Variants in SNTG1 observed in about 807,000 individuals in gnomAD.
SNTG1 encodes the protein gamma-1-syntrophin.
A neutral mutation model predicts 74.7 loss-of-function variants in SNTG1; 39 were observed. That is an observed-to-expected ratio of 0.52 (90% confidence interval 0.40 to 0.68). The LOEUF is 0.68. Ranked by LOEUF, SNTG1 falls within the 30% of genes least tolerant of loss-of-function variation. The probability of loss-of-function intolerance (pLI) is 0.00; values close to 1 mark genes in which losing one functional copy is unlikely to be tolerated. For synonymous variants in SNTG1, 254 were observed against 217.1 expected (o/e 1.17, Z -1.49); for missense variants, 685 against 609.5 (o/e 1.12, Z -1.30).
intron 2 of SNTG1, among the ~76,000 whole-genome samples, chr8:50,307,542 G>C (rs2089952278): frequency 6.6e-6 from 1 of 151,318 alleles, no homozygotes; most frequent in Non-Finnish European, 1.5e-5. Context: ...TCTGAAAAAA[G>C]TATTTTATTT....
At chr8:50,310,581 G>A (rs551962147) in intron 2 of SNTG1, among the ~76,000 whole-genome samples, 23 of 152,194 alleles carry the variant, frequency 1.5e-4, no homozygotes, top group Non-Finnish European at 2.1e-4. Flanking sequence ...CCAGCCACTC[G>A]GGAGGCTGAG....
intron 2 of SNTG1, among the ~76,000 whole-genome samples, chr8:50,262,858 T>G (rs1290126156): frequency 1.3e-5 from 2 of 152,152 alleles, no homozygotes; most frequent in East Asian, 3.8e-4. Context: ...CATACAATGC[T>G]ACTCCAAATA....
chr8:49,981,116 CTGGCAGGCCAGGG>C (rs1245545375), intron 1 of SNTG1, among the ~76,000 whole-genome samples: 1 of 152,160 alleles, frequency 6.6e-6, no homozygotes. Flanking sequence ...ATTGAATCTC[CTGGCAGGCCAGGG>C]TATTAATCTG....
chr8:50,470,042 C>T (rs533201449), intron 8 of SNTG1, among the ~76,000 whole-genome samples: 3 of 152,104 alleles, frequency 2.0e-5, no homozygotes, highest in Admixed American at 1.3e-4. Flanking sequence ...CAATAGAAGC[C>T]GTTTGCCATT....
chr8:50,662,031 C>T (rs1446585141), intron 15 of SNTG1, among the ~76,000 whole-genome samples: 2 of 152,088 alleles, frequency 1.3e-5, no homozygotes, highest in Non-Finnish European at 2.9e-5. Context: ...ACCTTCTGGC[C>T]TTCTCCTGTG....
chr8:50,003,609 T>G (rs1471246051), intron 1 of SNTG1, among the ~76,000 whole-genome samples: 2 of 152,186 alleles, frequency 1.3e-5, no homozygotes, highest in African/African-American at 2.4e-5. Context: ...AGTGCGAAAT[T>G]TACTTTTTCC....
chr8:49,949,144 CTCT>C (rs1563383892), intron 1 of SNTG1, among the ~76,000 whole-genome samples: 1 of 152,132 alleles, frequency 6.6e-6, no homozygotes, highest in Non-Finnish European at 1.5e-5. Context: ...CTAAAAGTTG[CTCT>C]TCTTAGGAAA....
intron 2 of SNTG1, among the ~76,000 whole-genome samples, chr8:50,225,857 G>A (rs1396797220): frequency 6.6e-6 from 1 of 152,104 alleles, no homozygotes; most frequent in African/African-American, 2.4e-5. Flanking sequence ...TTTACTTTAT[G>A]TTGTAGCTTG....
At chr8:50,109,859 T>G (rs1563609144) in intron 1 of SNTG1, among the ~76,000 whole-genome samples, 1 of 152,184 alleles carries the variant, frequency 6.6e-6, no homozygotes, top group Admixed American at 6.5e-5. Context: ...AGAGTCTGCA[T>G]GGGCTTTTTA....
chr8:50,128,877 A>G (rs1333242489), intron 1 of SNTG1, among the ~76,000 whole-genome samples: 1 of 152,160 alleles, frequency 6.6e-6, no homozygotes, highest in Non-Finnish European at 1.5e-5. Flanking sequence ...CATAATTTGG[A>G]CATACAAATT....
rs1821879967 is a variant in SNTG1 at position 50,076,288 on chromosome 8, A to C, written c.-102-96273A>C. Among the ~76,000 whole-genome samples, 4 of 152,266 alleles carry C rather than the reference A, an allele frequency of 2.6e-5. No homozygotes were observed. In the South Asian group the frequency reaches 8.3e-4, roughly 32 times the overall value. On this transcript the variant is annotated intron_variant, in intron 1 of 18. Transcript: ENST00000642720. ...ATTGTTCTTTAGGTAACATACTGAAAGAAACAAAAACAAAAAAAAACCTGA... is the reference window on the plus strand; with the variant it reads ...ATTGTTCTTTAGGTAACATACTGAACGAAACAAAAACAAAAAAAAACCTGA...
chr8:50,018,826 A>T (rs1354984715), intron 1 of SNTG1, among the ~76,000 whole-genome samples: 1 of 152,054 alleles, frequency 6.6e-6, no homozygotes, highest in Non-Finnish European at 1.5e-5. Flanking sequence ...AGAAACAAAA[A>T]ATAACAAGTG....
At chr8:50,776,168 T>C (rs905461671) in intron 18 of SNTG1, among the ~76,000 whole-genome samples, 1 of 151,006 alleles carries the variant, frequency 6.6e-6, no homozygotes, top group Admixed American at 6.6e-5. Context: ...CATTTTTCTG[T>C]TTTAATTTTT....
chr8:50,192,187 G>A (rs2083602518), intron 2 of SNTG1, among the ~76,000 whole-genome samples: 1 of 152,092 alleles, frequency 6.6e-6, no homozygotes, highest in African/African-American at 2.4e-5. Context: ...TGTTTGTTTT[G>A]TTTGTCATAT....
chr8:50,694,351 A>C (rs906859360), intron 15 of SNTG1, among the ~76,000 whole-genome samples: 1 of 152,114 alleles, frequency 6.6e-6, no homozygotes, highest in East Asian at 1.9e-4. Context: ...AAATGAATAC[A>C]TTCTGGGACA....
intron 8 of SNTG1, among the ~76,000 whole-genome samples, chr8:50,456,811 A>G (rs1191619501): frequency 2.0e-5 from 3 of 152,122 alleles, no homozygotes; most frequent in Non-Finnish European, 4.4e-5. Context: ...GGAGTCTAAA[A>G]ACAGGATACA....
intron 1 of SNTG1, among the ~76,000 whole-genome samples, chr8:49,970,677 G>T (rs1005765300): frequency 1.3e-5 from 2 of 152,128 alleles, no homozygotes; most frequent in Non-Finnish European, 2.9e-5. Context: ...GCTCTAATTC[G>T]CATGTCTCTA....
At chr8:50,525,411 A>ATT (rs2130237452) in intron 9 of SNTG1, among the ~76,000 whole-genome samples, 1 of 151,940 alleles carries the variant, frequency 6.6e-6, no homozygotes, top group East Asian at 1.9e-4. Context: ...TTGTATGTTC[A>ATT]TTTTCTTCCC....
At chr8:50,190,770 A>G (rs1456086199) in intron 2 of SNTG1, among the ~76,000 whole-genome samples, 1 of 152,140 alleles carries the variant, frequency 6.6e-6, no homozygotes, top group African/African-American at 2.4e-5. Context: ...CACATCACAG[A>G]GGTGACATGC....
Sources: gnomAD v4.1 joint callset for allele counts (sites outside exome capture counted in the v4.1 genomes callset) on GRCh38, gnomAD v4.1.1 for gene constraint, MANE v1.5 for transcripts, NCBI Gene and HGNC (gene_info 2026-07-23, HGNC 2026-07-21) for gene names.